Variants in FNTB observed in about 807,000 individuals in gnomAD.
FNTB encodes the protein protein farnesyltransferase subunit beta.
FNTB carries 27 observed loss-of-function variants against 59.4 expected under a neutral mutation model. The observed-to-expected ratio is 0.45, with a 90% confidence interval of 0.34 to 0.63. The LOEUF (loss-of-function observed/expected upper bound fraction) is 0.63. Ranked by LOEUF, FNTB falls within the 20% of genes least tolerant of loss-of-function variation. The pLI, the probability that FNTB is intolerant of heterozygous loss-of-function variation, is 0.02. For missense variants in FNTB, 449 were observed against 559.6 expected, an observed-to-expected ratio of 0.80 and a Z score of 1.99; for synonymous variants, 230 against 220.7, an observed-to-expected ratio of 1.04 and a Z score of -0.37.
At chr14:65,019,035 CCTT>C (rs1438490696) in intron 4 of FNTB, among the ~76,000 whole-genome samples, 2 of 152,026 alleles carry the variant, frequency 1.3e-5, no homozygotes, top group Admixed American at 6.6e-5. Context: ...ACAAGAGTCT[CCTT>C]CTGTTACTGC....
intron 8 of FNTB, 94 bp downstream of exon 8, chr14:65,041,013 G>C: frequency 1.9e-6 from 3 of 1,545,392 alleles, no homozygotes; most frequent in Non-Finnish European, 2.6e-6. Context: ...TTTGGCTATG[G>C]GAAGGGCTAA....
rs1452228279 is a variant in FNTB at position 65,040,311 on chromosome 14, A to G, written c.693-479A>G. Among the ~76,000 whole-genome samples, 4 of 146,642 alleles carry G rather than the reference A, an allele frequency of 2.7e-5. 1 individual carries two copies. The South Asian group carries it at 6.3e-4, about 23-fold the overall frequency. ...TATATATATATGTATATATATGTGT[A>G]TATATGTACATATATGTATATGTAT... On this transcript the variant is annotated intron_variant, in intron 7 of 11. Coordinates refer to ENST00000246166, the MANE Select transcript of FNTB (RefSeq NM_002028.4).
Position 65,044,858 on chromosome 14 carries a change from G to A in FNTB, c.955+415G>A, listed in dbSNP as rs2062440122. ...TGCAACAGCAACAGGAAAGGCAACT[G>A]CGTAAAGGGGTAGAGAACCAGAACC... On this transcript the variant is annotated intron_variant, in intron 9 of 11. Transcript: ENST00000246166. This position sits in a 1 kb window ranked among gnomAD's most constrained non-coding sequence, Gnocchi z 5.5. 1 of 166,560 alleles carries A rather than the reference G, an allele frequency of 6.0e-6. No homozygotes were observed. Among genetic ancestry groups the A allele is most frequent in the South Asian group, 1.6e-4 (1 of 6,448 alleles). The allele number at this position is 166,560 out of a possible 1,614,324, so 10.3% of individuals were successfully genotyped here.
chr14:64,999,294 C>T (rs1888515735), intron 1 of FNTB, among the ~76,000 whole-genome samples: 1 of 152,166 alleles, frequency 6.6e-6, no homozygotes, highest in Non-Finnish European at 1.5e-5. Flanking sequence ...AAAAATTAGC[C>T]AGGCATGGTG....
At position 65,031,172 on chromosome 14, in the gene FNTB, A is replaced by G. The variant is rs1265708920; in HGVS notation, c.606-1438A>G. Reference sequence around the variant, plus strand: ...TTGTCTTCCCTGTGCCGGGTATTTGAAAAAACCATAGAGGGGAAGGAAAGG... The same window carrying G: ...TTGTCTTCCCTGTGCCGGGTATTTGGAAAAACCATAGAGGGGAAGGAAAGG... On this transcript the variant is annotated intron_variant, in intron 6 of 11. Coordinates refer to ENST00000246166, the MANE Select transcript of FNTB (RefSeq NM_002028.4). This position sits in a 1 kb window ranked among gnomAD's most constrained non-coding sequence, Gnocchi z 4.6. Among the ~76,000 whole-genome samples the G allele has an allele frequency of 1.3e-5, 2 of 152,078 alleles. No homozygotes were observed. Among genetic ancestry groups the G allele is most frequent in the African/African-American group, 4.8e-5 (2 of 41,406 alleles).
intron 1 of FNTB, among the ~76,000 whole-genome samples, chr14:64,988,097 G>T (rs1471902017): frequency 6.6e-6 from 1 of 152,146 alleles, no homozygotes; most frequent in Non-Finnish European, 1.5e-5. Flanking sequence ...AACAATAATT[G>T]TTTTATTGTA....
intron 7 of FNTB, among the ~76,000 whole-genome samples, chr14:65,035,552 CCG>C (rs1018221148): frequency 3.3e-5 from 5 of 152,076 alleles, no homozygotes; most frequent in Non-Finnish European, 1.5e-5. Flanking sequence ...TTTTTTGAGA[CCG>C]AGTCTTGCTC....
intron 8 of FNTB, 101 bp downstream of exon 8, chr14:65,041,020 C>CT (rs1200135778): frequency 6.5e-7 from 1 of 1,528,806 alleles, no homozygotes; most frequent in African/African-American, 1.4e-5. Context: ...ATGGGAAGGG[C>CT]TAAGAGAGTT....
intron 1 of FNTB, among the ~76,000 whole-genome samples, chr14:64,998,202 G>A (rs1888473823): frequency 6.6e-6 from 1 of 152,160 alleles, no homozygotes; most frequent in African/African-American, 2.4e-5. Flanking sequence ...CAACCTCTGA[G>A]CTGAAATTTA....
At chr14:65,041,140 A>G (rs2062344020) in intron 8 of FNTB, among the ~76,000 whole-genome samples, 1 of 152,142 alleles carries the variant, frequency 6.6e-6, no homozygotes, top group African/African-American at 2.4e-5. Flanking sequence ...TAGACTACAT[A>G]GACTGTGTGC....
At chr14:65,008,475 A>G (rs1473000557) in intron 2 of FNTB, among the ~76,000 whole-genome samples, 2 of 152,246 alleles carry the variant, frequency 1.3e-5, no homozygotes, top group Non-Finnish European at 2.9e-5. Flanking sequence ...GGGGAGGTGG[A>G]CATTAAACAA....
chr14:65,057,843 C>T (rs2139688691), intron 11 of FNTB, among the ~76,000 whole-genome samples: 1 of 152,260 alleles, frequency 6.6e-6, no homozygotes, highest in Middle Eastern at 3.4e-3. Flanking sequence ...CTCATGTGTA[C>T]CACACCCTCA....
rs1004559788 is a variant in FNTB, at chr14:65,011,424, G to A, written c.210-893G>A. Reference sequence around the variant, plus strand: ...AGCCTGGGTGACAGAGCGAGACTCCGTCTCAGGAAAAAAAAAAAAAAAAAA... The same window carrying A: ...AGCCTGGGTGACAGAGCGAGACTCCATCTCAGGAAAAAAAAAAAAAAAAAA... On this transcript the variant is annotated intron_variant, in intron 2 of 11. Coordinates refer to ENST00000246166, the MANE Select transcript of FNTB (RefSeq NM_002028.4). This position sits in a 1 kb window ranked among gnomAD's most constrained non-coding sequence, Gnocchi z 4.0. Among the ~76,000 whole-genome samples the A allele has an allele frequency of 9.7e-5, 12 of 123,956 alleles. No homozygotes were observed. The highest frequency in any genetic ancestry group is 1.6e-4 in the Non-Finnish European group (10 of 64,246). The allele number at this position is 123,956 out of a possible 152,430, so 81.3% of individuals were successfully genotyped here.
In FNTB at chr14:65,054,461, T is replaced by G; in HGVS notation, c.1068-114T>G. 4 of 1,062,984 alleles carry G rather than the reference T, an allele frequency of 3.8e-6. No individual in the cohort carries two copies. Among genetic ancestry groups the G allele is most frequent in the Non-Finnish European group, 5.5e-6 (4 of 733,932 alleles). The allele number at this position is 1,062,984 out of a possible 1,614,324, so 65.8% of individuals were successfully genotyped here. A position where few individuals can be genotyped will look rare whatever the true frequency, so the allele number is the denominator to read the frequency against. On this transcript the variant is annotated intron_variant, in intron 10 of 11. Transcript: ENST00000246166. This position sits in a 1 kb window ranked among gnomAD's most constrained non-coding sequence, Gnocchi z 4.4. The stretch of plus-strand genomic sequence containing the variant: ...GAAAACCATGCCTCCTCTAGCCACA[T>G]GGAGGATGGGGGGGGACGTGTGATT...
chr14:65,005,229 T>C (rs935926762), intron 2 of FNTB, among the ~76,000 whole-genome samples: 1 of 152,230 alleles, frequency 6.6e-6, no homozygotes, highest in Admixed American at 6.5e-5. Flanking sequence ...AAAAAATTTA[T>C]TATTTAATTT....
At position 65,014,407 on chromosome 14, in the gene FNTB, C is replaced by T. The variant is rs1298393282; in HGVS notation, c.283-1218C>T. The stretch of plus-strand genomic sequence containing the variant: ...GTTTTCGTCCATTACAGCATTTCTC[C>T]AGGTATATGTACACGTGTTGGTTCC... On this transcript the variant is annotated intron_variant, in intron 3 of 11. Coordinates refer to ENST00000246166, the MANE Select transcript of FNTB (RefSeq NM_002028.4). This position sits in a 1 kb window ranked among gnomAD's most constrained non-coding sequence, Gnocchi z 5.1. 6.6e-6 allele frequency among the ~76,000 whole-genome samples: 1 copy of T among 152,164 alleles called. No individual in the cohort carries two copies. The highest frequency in any genetic ancestry group is 1.9e-4 in the East Asian group (1 of 5,200).
Position 65,054,740 on chromosome 14 carries a change from C to CAG in FNTB, c.1182+53_1182+54dup. The CAG allele has an allele frequency of 6.5e-7, 1 of 1,546,662 alleles. No individual in the cohort carries two copies. The highest frequency in any genetic ancestry group is 8.8e-7 in the Non-Finnish European group (1 of 1,139,744). The stretch of plus-strand genomic sequence containing the variant: ...CCCTTCTCCACAGGGACCTCGCGGA[C>CAG]AGAAGGCTTTCCAAGTAAGCAGAAC... On this transcript the variant is annotated intron_variant, in intron 11 of 11. Coordinates refer to ENST00000246166, the MANE Select transcript of FNTB (RefSeq NM_002028.4). This position sits in a 1 kb window ranked among gnomAD's most constrained non-coding sequence, Gnocchi z 4.4.
intron 11 of FNTB, among the ~76,000 whole-genome samples, chr14:65,058,322 TTTC>T (rs772594661): frequency 2.7e-4 from 41 of 152,254 alleles, no homozygotes; most frequent in Admixed American, 1.4e-3. Context: ...ACTGGAATCT[TTTC>T]TTATTTTCAG....
chr14:65,006,592 G>T (rs2061596237), intron 2 of FNTB, among the ~76,000 whole-genome samples: 1 of 152,144 alleles, frequency 6.6e-6, no homozygotes, highest in Non-Finnish European at 1.5e-5. Flanking sequence ...CTTTTGGAGG[G>T]GCTTTGTTGT....
Sources: gnomAD v4.1 joint callset for allele counts (sites outside exome capture counted in the v4.1 genomes callset) on GRCh38, gnomAD v4.1.1 for gene constraint, Gnocchi (gnomAD v3.1) non-coding constraint, MANE v1.5 for transcripts, NCBI Gene and HGNC (gene_info 2026-07-23, HGNC 2026-07-21) for gene names.